Variants in HECW1 observed in about 807,000 individuals in gnomAD.
HECW1 encodes HECT, C2 and WW domain containing E3 ubiquitin protein ligase 1, also known as E3 ubiquitin-protein ligase HECW1.
HECW1 carries 61 observed loss-of-function variants against 182.3 expected under a neutral mutation model. That is an observed-to-expected ratio of 0.33 (90% CI 0.27 to 0.41). The LOEUF is 0.41. HECW1 is among the 10% of genes least tolerant of loss of function. The pLI, the probability that HECW1 is intolerant of heterozygous loss-of-function variation, is 1.00. For missense variants in HECW1, 1,739 were observed against 2,108.9 expected, an observed-to-expected ratio of 0.82 and a Z score of 3.44; for synonymous variants, 859 against 832.6, an observed-to-expected ratio of 1.03 and a Z score of -0.55.
At chr7:43,185,549 T>C (rs1793320436) in intron 2 of HECW1, among the ~76,000 whole-genome samples, 2 of 152,208 alleles carry the variant, frequency 1.3e-5, no homozygotes, top group African/African-American at 4.8e-5. Flanking sequence ...GACACCCAGC[T>C]AGTGTTTGCT....
At chr7:43,547,136 T>C (rs2081596125) in intron 26 of HECW1, among the ~76,000 whole-genome samples, 1 of 152,236 alleles carries the variant, frequency 6.6e-6, no homozygotes, top group Non-Finnish European at 1.5e-5. Context: ...TTTCCAACTT[T>C]AGATCCTTCA....
chr7:43,433,357 A>C (rs1359045972), intron 8 of HECW1, among the ~76,000 whole-genome samples: 2 of 152,214 alleles, frequency 1.3e-5, no homozygotes, highest in Non-Finnish European at 2.9e-5. Flanking sequence ...CAGTGGAGTC[A>C]CCTGATAAGC....
chr7:43,407,476 G>C, intron 7 of HECW1, 86 bp from the exon 8 acceptor site: 1 of 951,464 alleles, frequency 1.1e-6, no homozygotes. Context: ...AGGGCCAATG[G>C]TCCTCTCATG....
intron 21 of HECW1, among the ~76,000 whole-genome samples, chr7:43,502,420 G>A (rs1164196422): frequency 6.6e-6 from 1 of 152,184 alleles, no homozygotes; most frequent in Non-Finnish European, 1.5e-5. Context: ...ACTTTGGGAA[G>A]CTGAGGTGGG....
chr7:43,226,306 C>T lies in HECW1; in HGVS notation c.-31-17569C>T, dbSNP rs150027797. Reference sequence around the variant, plus strand: ...CTTATTTCCGTAATTTTGCTCATATCCTTTAAACAACCTGAGACTTCTATT... The same window carrying T: ...CTTATTTCCGTAATTTTGCTCATATTCTTTAAACAACCTGAGACTTCTATT... On this transcript the variant is annotated intron_variant, in intron 2 of 29. Coordinates refer to ENST00000395891, the MANE Select transcript of HECW1 (RefSeq NM_015052.5). 2.7e-3 allele frequency among the ~76,000 whole-genome samples: 404 copies of T among 152,240 alleles called. 3 individuals are homozygous for T. Among genetic ancestry groups the T allele is most frequent in the African/African-American group, 9.0e-3 (373 of 41,548 alleles).
chr7:43,444,291 G>A lies in HECW1; in HGVS notation c.1119G>A (p.Met373Ile). Residue 373 changes from methionine to isoleucine, a missense_variant, in exon 11 of 30, where the codon ATG becomes ATA. By Grantham distance (10) the Met-to-Ile change is conservative. Around this residue, in one of 5 missense-constraint regions of HECW1, gnomAD observed 971 missense variants for 1,029.1 expected, o/e 0.94. Coordinates refer to ENST00000395891, the MANE Select transcript of HECW1 (RefSeq NM_015052.5). This position sits in a 1 kb window ranked among gnomAD's most constrained non-coding sequence, Gnocchi z 4.3. ...AGGACAGCCCCATGAACAACCTGATGGAAAGCGGCAGTGGGGAACCTCGGT... is the reference window on the plus strand; with the variant it reads ...AGGACAGCCCCATGAACAACCTGATAGAAAGCGGCAGTGGGGAACCTCGGT... Reference protein sequence around the residue: ...QIQDSPMNNLMESGSGEPRSE... With the variant: ...QIQDSPMNNLIESGSGEPRSE... The A allele has an allele frequency of 6.2e-7, 1 of 1,614,190 alleles. No individual in the cohort carries two copies. The highest frequency in any genetic ancestry group is 8.5e-7 in the Non-Finnish European group (1 of 1,180,024).
At chr7:43,492,015 T>C (rs1165175096) in intron 17 of HECW1, 60 bp from the exon 18 acceptor site, 2 of 1,241,006 alleles carry the variant, frequency 1.6e-6, no homozygotes, top group South Asian at 2.5e-5. Context: ...AAAACTGGTA[T>C]CAAGAGACAT....
rs530598665 is a variant in HECW1 at position 43,236,332 on chromosome 7, G to C, written c.-31-7543G>C. ...GGGAAACCATTCATGGGGGGGAAAA[G>C]CTCAAATGAAATAGTGTGAATTCAA... On this transcript the variant is annotated intron_variant, in intron 2 of 29. Coordinates refer to ENST00000395891, the MANE Select transcript of HECW1 (RefSeq NM_015052.5). Among the ~76,000 whole-genome samples, 485 of 152,266 alleles carry C rather than the reference G, an allele frequency of 3.2e-3. 5 individuals carry two copies. Among genetic ancestry groups the C allele is most frequent in the African/African-American group, 0.011 (451 of 41,558 alleles).
chr7:43,184,306 C>T (rs1793162760), intron 2 of HECW1, among the ~76,000 whole-genome samples: 3 of 152,254 alleles, frequency 2.0e-5, no homozygotes, highest in Non-Finnish European at 2.9e-5. Context: ...AGCCACCGCC[C>T]TGCCAATTCT....
chr7:43,250,311 C>G (rs1799895328), intron 3 of HECW1, among the ~76,000 whole-genome samples: 1 of 152,168 alleles, frequency 6.6e-6, no homozygotes, highest in Non-Finnish European at 1.5e-5. Flanking sequence ...GTGACACCAA[C>G]TCAGCCTGGC....
chr7:43,206,526 T>C (rs149784189), intron 2 of HECW1, among the ~76,000 whole-genome samples: 2 of 152,362 alleles, frequency 1.3e-5, no homozygotes, highest in East Asian at 1.9e-4. Context: ...TTCAATTCTT[T>C]AGTGGTTAAC....
At chr7:43,360,215 C>CTT (rs5883864) in intron 5 of HECW1, among the ~76,000 whole-genome samples, 68 of 141,988 alleles carry the variant, frequency 4.8e-4, no homozygotes, top group African/African-American at 9.9e-4. Flanking sequence ...ATAGAACTTT[C>CTT]TTTTTTTTTT....
intron 5 of HECW1, among the ~76,000 whole-genome samples, chr7:43,335,783 TCTTC>T (rs146797078): frequency 0.47 from 67,413 of 144,172 alleles, 15,746 homozygotes; most frequent in African/African-American, 0.52. Flanking sequence ...TTTCTTCCTT[TCTTC>T]CTTCCTTCCT....
intron 3 of HECW1, among the ~76,000 whole-genome samples, chr7:43,250,099 G>T (rs1181046804): frequency 1.7e-4 from 24 of 144,872 alleles, no homozygotes; most frequent in African/African-American, 6.2e-4. Flanking sequence ...TTCCTCTCTT[G>T]CAGATTTTTT....
chr7:43,318,893 C>T (rs552390272), intron 4 of HECW1, among the ~76,000 whole-genome samples: 23 of 152,338 alleles, frequency 1.5e-4, no homozygotes, highest in African/African-American at 5.3e-4. Context: ...TTCCCCACAG[C>T]CTCAGATCCA....
intron 8 of HECW1, among the ~76,000 whole-genome samples, chr7:43,409,353 A>G (rs957031832): frequency 1.3e-5 from 2 of 152,172 alleles, no homozygotes; most frequent in Non-Finnish European, 2.9e-5. Context: ...CTGCATTCCT[A>G]GAGATAATAA....
At chr7:43,118,911 C>T (rs1785305345) in intron 2 of HECW1, 1 of 152,182 alleles carries the variant, frequency 6.6e-6, no homozygotes. Flanking sequence ...CCTGACTCCA[C>T]ATCCCCCATG....
At chr7:43,285,626 A>G (rs1487468354) in intron 3 of HECW1, among the ~76,000 whole-genome samples, 1 of 152,120 alleles carries the variant, frequency 6.6e-6, no homozygotes, top group African/African-American at 2.4e-5. Flanking sequence ...CCTGGGCAAC[A>G]TGGCAAGACC....
At chr7:43,302,373 G>T (rs1197547046) in intron 3 of HECW1, among the ~76,000 whole-genome samples, 1 of 152,238 alleles carries the variant, frequency 6.6e-6, no homozygotes, top group Non-Finnish European at 1.5e-5. Flanking sequence ...CAGCTTCCCG[G>T]TGAATAAGAG....
Sources: gnomAD v4.1 joint callset for allele counts (sites outside exome capture counted in the v4.1 genomes callset) on GRCh38, gnomAD v4.1.1 for gene constraint, gnomAD v4.1.1 regional missense constraint, Gnocchi (gnomAD v3.1) non-coding constraint, MANE v1.5 for transcripts, NCBI Gene and HGNC (gene_info 2026-07-23, HGNC 2026-07-21) for gene names.